TXK: variants seen among roughly 807,000 people sequenced by gnomAD.
TXK encodes tyrosine-protein kinase TXK.
In TXK, 60 loss-of-function variants were observed where a neutral mutation model predicts 81.0. The ratio of observed to expected loss-of-function variants is 0.74; its 90% CI spans 0.60 to 0.92. The LOEUF (loss-of-function observed/expected upper bound fraction) is 0.92. TXK is among the 40% of genes least tolerant of loss of function. The probability of loss-of-function intolerance (pLI) is 0.00; values close to 1 mark genes in which losing one functional copy is unlikely to be tolerated. For synonymous variants in TXK, 203 were observed against 210.7 expected (o/e 0.96, Z 0.32); for missense variants, 581 against 638.3 (o/e 0.91, Z 0.97).
chr4:48,078,561 A>T (rs895252510), intron 11 of TXK, among the ~76,000 whole-genome samples: 23 of 152,368 alleles, frequency 1.5e-4, no homozygotes, highest in African/African-American at 5.3e-4. Flanking sequence ...TATCACGAAT[A>T]AATGTGGAAT....
chr4:48,129,086 G>A (rs942645144), intron 1 of TXK, among the ~76,000 whole-genome samples: 2 of 152,050 alleles, frequency 1.3e-5, no homozygotes, highest in Admixed American at 1.3e-4. Flanking sequence ...AAGGAGAGGG[G>A]AAAATAGTAA....
chr4:48,125,880 T>C (rs1233774028), intron 1 of TXK, among the ~76,000 whole-genome samples: 2 of 152,224 alleles, frequency 1.3e-5, no homozygotes, highest in African/African-American at 2.4e-5. Flanking sequence ...TCCTCCTTGC[T>C]CAGGGGAGGT....
intron 11 of TXK, among the ~76,000 whole-genome samples, 183 bp downstream of exon 11, chr4:48,079,729 T>C (rs1717219175): frequency 6.6e-6 from 1 of 152,220 alleles, no homozygotes; most frequent in Non-Finnish European, 1.5e-5. Flanking sequence ...CATTCGGCCT[T>C]TACAGCTACA....
chr4:48,132,840 G>C (rs1196869216), intron 1 of TXK, among the ~76,000 whole-genome samples: 1 of 152,078 alleles, frequency 6.6e-6, no homozygotes, highest in Non-Finnish European at 1.5e-5. Context: ...CAGCTACTCG[G>C]GAGGCTGAGG....
intron 3 of TXK, 119 bp downstream of exon 3, chr4:48,113,088 G>A: frequency 1.7e-6 from 1 of 581,396 alleles, no homozygotes; most frequent in Non-Finnish European, 3.0e-6. Context: ...AAATTACTGA[G>A]CACTTATTTT....
At chr4:48,124,763 T>C (rs1719043865) in intron 1 of TXK, among the ~76,000 whole-genome samples, 1 of 152,228 alleles carries the variant, frequency 6.6e-6, no homozygotes, top group Admixed American at 6.5e-5. Flanking sequence ...CAAATGCTTA[T>C]CCAAAATAAA....
chr4:48,114,006 T>C (rs1250147619), intron 2 of TXK, among the ~76,000 whole-genome samples: 2 of 152,158 alleles, frequency 1.3e-5, no homozygotes, highest in South Asian at 2.1e-4. Context: ...TTTGGGGAGA[T>C]AGATAACTAA....
At chr4:48,108,476 C>T (rs564160667) in intron 5 of TXK, among the ~76,000 whole-genome samples, 1 of 152,180 alleles carries the variant, frequency 6.6e-6, no homozygotes, top group Non-Finnish European at 1.5e-5. Context: ...CTAGTCAGTG[C>T]TGATGCCAGG....
chr4:48,108,714 A>AT (rs1044255290), intron 5 of TXK, among the ~76,000 whole-genome samples: 4 of 152,194 alleles, frequency 2.6e-5, no homozygotes, highest in Admixed American at 6.5e-5. Flanking sequence ...AAAAAGGATG[A>AT]TTTTTTAAAA....
At chr4:48,107,816 A>C (rs917867155) in intron 5 of TXK, among the ~76,000 whole-genome samples, 30 of 150,596 alleles carry the variant, frequency 2.0e-4, no homozygotes, top group African/African-American at 7.1e-4. Flanking sequence ...TAATCCCAGC[A>C]CTTTGGGAGG....
chr4:48,129,501 G>A (rs1719186480), intron 1 of TXK, among the ~76,000 whole-genome samples: 1 of 152,166 alleles, frequency 6.6e-6, no homozygotes, highest in Non-Finnish European at 1.5e-5. Context: ...ATGGCCTGAA[G>A]GGGTGCTGTG....
In TXK at chr4:48,066,409, T is replaced by C. The variant is rs968969039; in HGVS notation, c.*1228A>G. The C allele has an allele frequency of 6.6e-6, 1 of 152,192 alleles. No individual in the cohort carries two copies. The highest frequency in any genetic ancestry group is 1.5e-5 in the Non-Finnish European group (1 of 68,036). The allele number at this position is 152,192 out of a possible 1,614,324, so 9.4% of individuals were successfully genotyped here. Reference sequence around the variant, plus strand: ...TGTAACTGATTCTCATTAGAAATAATACACATTTATTGAATGTCATTGATA... The same window carrying C: ...TGTAACTGATTCTCATTAGAAATAACACACATTTATTGAATGTCATTGATA... On this transcript the variant is annotated 3_prime_UTR_variant, in exon 15 of 15. Transcript: ENST00000264316.
chr4:48,131,110 T>C (rs2109490646), intron 1 of TXK, among the ~76,000 whole-genome samples: 1 of 152,264 alleles, frequency 6.6e-6, no homozygotes, highest in East Asian at 1.9e-4. Flanking sequence ...TTGATGGAAA[T>C]GCTGGCAATA....
At chr4:48,071,736 G>A in intron 13 of TXK, 62 bp from the exon 14 acceptor site, 2 of 1,571,630 alleles carry the variant, frequency 1.3e-6, no homozygotes, top group Non-Finnish European at 1.7e-6. Context: ...GGAACTGAAA[G>A]AACAATTTCA....
At chr4:48,076,056 A>G (rs1352235276) in intron 12 of TXK, among the ~76,000 whole-genome samples, 1 of 152,242 alleles carries the variant, frequency 6.6e-6, no homozygotes, top group African/African-American at 2.4e-5. Flanking sequence ...ATCAGAGCTG[A>G]GCAAACAAAT....
chr4:48,097,360 AGTTAGGAATC>A lies in TXK; in HGVS notation c.502-2148_502-2139del, dbSNP rs1218671994. ...AATTTATCAAAATTGAATGCAGAAG[AGTTAGGAATC>A]TTAATGGACCTGTTGAGTAGAAAAA... On this transcript the variant is annotated intron_variant, in intron 6 of 14. Transcript: ENST00000264316. Among the ~76,000 whole-genome samples, 7 of 152,148 alleles carry A rather than the reference AGTTAGGAATC, an allele frequency of 4.6e-5. No individual in the cohort carries two copies. In the East Asian group the frequency reaches 1.4e-3, roughly 29 times the overall value.
intron 6 of TXK, among the ~76,000 whole-genome samples, chr4:48,103,194 T>C (rs974807000): frequency 3.3e-5 from 5 of 152,236 alleles, no homozygotes; most frequent in African/African-American, 9.6e-5. Flanking sequence ...GCTCTTATAC[T>C]GAATCTGCAC....
In TXK at chr4:48,067,676, C is replaced by G. The variant is rs1716662446; in HGVS notation, c.1545G>C (p.Glu515Asp). 6.2e-7 allele frequency: 1 copy of G among 1,614,014 alleles called. No individual in the cohort carries two copies. The highest frequency in any genetic ancestry group is 1.7e-5 in the Admixed American group (1 of 59,994). Residue 515 changes from glutamate to aspartate, a missense_variant, in exon 15 of 15, where the codon GAG (glutamate) becomes GAC (aspartate). Coordinates refer to ENST00000264316, the MANE Select transcript of TXK (RefSeq NM_003328.3). ...CAATCTCTGTGACAGCCCGCAGCAG[C>G]TCGGCAAATGTAGGGCGGCCTTCAG... ...EKPEGRPTFAELLRAVTEIAE... is the reference protein window; with the variant it reads ...EKPEGRPTFADLLRAVTEIAE...
chr4:48,068,026 A>G (rs1716677190), intron 14 of TXK, among the ~76,000 whole-genome samples: 1 of 152,192 alleles, frequency 6.6e-6, no homozygotes, highest in Admixed American at 6.5e-5. Context: ...CGTGAATATG[A>G]AAATGTTAGA....
Sources: gnomAD v4.1 joint callset for allele counts (sites outside exome capture counted in the v4.1 genomes callset) on GRCh38, gnomAD v4.1.1 for gene constraint, MANE v1.5 for transcripts, NCBI Gene and HGNC (gene_info 2026-07-23, HGNC 2026-07-21) for gene names.